WASF3: variants seen among roughly 807,000 people sequenced by gnomAD.
The protein encoded by WASF3 is WASP family member 3, also known as actin-binding protein WASF3.
Under a neutral mutation model 46.6 loss-of-function variants are expected in WASF3, and 11 were observed. The ratio of observed to expected loss-of-function variants is 0.24; its 90% confidence interval spans 0.15 to 0.39. WASF3 has a LOEUF of 0.39. Among genes scored for constraint, WASF3 ranks in the 10% least tolerant of loss-of-function variants. The probability of loss-of-function intolerance (pLI) is 1.00; values close to 1 mark genes in which losing one functional copy is unlikely to be tolerated. For missense variants in WASF3, 576 were observed against 669.8 expected (o/e 0.86, Z 1.55); for synonymous variants, 242 against 259.7 (o/e 0.93, Z 0.65).
chr13:26,660,194 G>T (rs201993442), intron 3 of WASF3, among the ~76,000 whole-genome samples: 2 of 43,362 alleles, frequency 4.6e-5, no homozygotes, highest in African/African-American at 7.4e-5. Context: ...TTTTTGTTTG[G>T]TTTTTTTTTT....
intron 5 of WASF3, among the ~76,000 whole-genome samples, chr13:26,668,992 C>G (rs980101404): frequency 2.6e-5 from 4 of 152,126 alleles, no homozygotes; most frequent in Non-Finnish European, 5.9e-5. Flanking sequence ...TGAAAACTTT[C>G]TACCTGCCGT....
chr13:26,561,947 G>T (rs1879308184), intron 1 of WASF3, among the ~76,000 whole-genome samples: 1 of 152,184 alleles, frequency 6.6e-6, no homozygotes, highest in Non-Finnish European at 1.5e-5. Flanking sequence ...GGTTATCTAA[G>T]AATGAAATAA....
At chr13:26,579,807 G>A (rs1422066714) in intron 1 of WASF3, among the ~76,000 whole-genome samples, 1 of 152,058 alleles carries the variant, frequency 6.6e-6, no homozygotes, top group East Asian at 1.9e-4. Context: ...GAACTGGCAA[G>A]GGAAATGAAT....
chr13:26,650,698 T>C (rs1474409868), intron 3 of WASF3, among the ~76,000 whole-genome samples: 1 of 152,184 alleles, frequency 6.6e-6, no homozygotes, highest in African/African-American at 2.4e-5. Flanking sequence ...GAAATCATTT[T>C]TTTAAATGCC....
intron 4 of WASF3, among the ~76,000 whole-genome samples, chr13:26,666,866 CA>C (rs1168774717): frequency 0.12 from 7,624 of 62,502 alleles, 98 homozygotes; most frequent in Admixed American, 0.19. Context: ...AAGACTGTCT[CA>C]AAAAAAAAAA....
At chr13:26,637,956 C>T (rs1881879419) in intron 2 of WASF3, among the ~76,000 whole-genome samples, 1 of 152,180 alleles carries the variant, frequency 6.6e-6, no homozygotes, top group African/African-American at 2.4e-5. Context: ...TTAAGGATAT[C>T]ACCTATGTGA....
intron 1 of WASF3, among the ~76,000 whole-genome samples, chr13:26,584,624 AT>A (rs1432757731): frequency 6.6e-6 from 1 of 152,178 alleles, no homozygotes; most frequent in Admixed American, 6.5e-5. Context: ...GTAAAAGATG[AT>A]TTGTCTTGAG....
chr13:26,657,596 G>T (rs1882504414), intron 3 of WASF3, among the ~76,000 whole-genome samples: 1 of 152,124 alleles, frequency 6.6e-6, no homozygotes, highest in African/African-American at 2.4e-5. Flanking sequence ...GTTAACAGAG[G>T]CATTTATCTC....
In WASF3 at chr13:26,583,758, C is replaced by T. The variant is rs977559248; in HGVS notation, c.-109+25939C>T. On this transcript the variant is annotated intron_variant, in intron 1 of 9. Transcript: ENST00000335327. ...CGACCATCTTTTGAAGCCACTCTAG[C>T]TTTGTTGGAGTTTGCTTTGTGATCA... 3.3e-5 allele frequency among the ~76,000 whole-genome samples: 5 copies of T among 152,316 alleles called. No homozygotes were observed. In the Middle Eastern group the frequency reaches 0.01, roughly 311 times the overall value.
At chr13:26,617,312 G>A (rs1004386757) in intron 2 of WASF3, among the ~76,000 whole-genome samples, 6 of 151,752 alleles carry the variant, frequency 4.0e-5, no homozygotes, top group African/African-American at 1.5e-4. Flanking sequence ...CCCTCCATCT[G>A]TTTTTGTTGC....
intron 7 of WASF3, among the ~76,000 whole-genome samples, chr13:26,680,822 C>T (rs1257993101): frequency 2.0e-5 from 3 of 152,170 alleles, no homozygotes; most frequent in African/African-American, 7.2e-5. Context: ...GACTTATTCA[C>T]TTCAAAGCTG....
chr13:26,546,651 G>A, the WASF3 span, among the ~76,000 whole-genome samples: 2 of 152,226 alleles, frequency 1.3e-5, no homozygotes, highest in South Asian at 4.1e-4. Flanking sequence ...GGCGGAGGTT[G>A]TGGTGAGCCG....
chr13:26,624,372 A>G (rs1333086328), intron 2 of WASF3, among the ~76,000 whole-genome samples: 2 of 152,232 alleles, frequency 1.3e-5, no homozygotes, highest in Non-Finnish European at 2.9e-5. Flanking sequence ...GAATATAAAA[A>G]GGAACAGTGA....
At chr13:26,607,250 A>G (rs1473846932) in intron 1 of WASF3, among the ~76,000 whole-genome samples, 1 of 152,166 alleles carries the variant, frequency 6.6e-6, no homozygotes. Context: ...TGTGTGATTC[A>G]TAGTTATATT....
intron 1 of WASF3, among the ~76,000 whole-genome samples, chr13:26,563,080 C>G (rs1210660101): frequency 6.6e-6 from 1 of 151,480 alleles, no homozygotes; most frequent in African/African-American, 2.4e-5. Flanking sequence ...GCCATTGTGT[C>G]TCCAGGTCGT....
chr13:26,627,458 A>T (rs1405824111), intron 2 of WASF3, among the ~76,000 whole-genome samples: 1 of 152,078 alleles, frequency 6.6e-6, no homozygotes, highest in African/African-American at 2.4e-5. Context: ...TAATATCCTC[A>T]ATATCTATCT....
chr13:26,621,268 T>C (rs1246922921), intron 2 of WASF3, among the ~76,000 whole-genome samples: 1 of 152,184 alleles, frequency 6.6e-6, no homozygotes, highest in Non-Finnish European at 1.5e-5. Context: ...GTTTGTTTTA[T>C]TTTCGTTTGT....
In WASF3 at chr13:26,560,389, C is replaced by T. The variant is rs76321037; in HGVS notation, c.-109+2570C>T. 5.0e-3 allele frequency among the ~76,000 whole-genome samples: 764 copies of T among 152,252 alleles called. 10 individuals carry two copies. Among genetic ancestry groups the T allele is most frequent in the African/African-American group, 0.017 (725 of 41,544 alleles). On this transcript the variant is annotated intron_variant, in intron 1 of 9. Coordinates refer to ENST00000335327, the MANE Select transcript of WASF3 (RefSeq NM_006646.6). Reference sequence around the variant, plus strand: ...GTAAAAAGTCTTAAGTTTTCTTTTTCCCGTCTTATTGTTGTCCTATTCCTA... The same window carrying T: ...GTAAAAAGTCTTAAGTTTTCTTTTTTCCGTCTTATTGTTGTCCTATTCCTA...
In WASF3 at chr13:26,679,839, T is replaced by TA. The variant is rs1308483325; in HGVS notation, c.717-1214dup. ...TGCAATTAGGGAAGAAAATAATGAG[T>TA]AGTTATTAGTTGTTACACTTCAATT... is the stretch of plus-strand genomic sequence containing the variant. On this transcript the variant is annotated intron_variant, in intron 7 of 9. Coordinates refer to ENST00000335327, the MANE Select transcript of WASF3 (RefSeq NM_006646.6). This position sits in a 1 kb window ranked among gnomAD's most constrained non-coding sequence, Gnocchi z 4.8. Among the ~76,000 whole-genome samples the TA allele has an allele frequency of 1.2e-4, 18 of 151,852 alleles. No homozygotes were observed. The highest frequency in any genetic ancestry group is 1.0e-3 in the Admixed American group (16 of 15,258).
Sources: gnomAD v4.1 joint callset for allele counts (sites outside exome capture counted in the v4.1 genomes callset) on GRCh38, gnomAD v4.1.1 for gene constraint, Gnocchi (gnomAD v3.1) non-coding constraint, MANE v1.5 for transcripts, NCBI Gene and HGNC (gene_info 2026-07-23, HGNC 2026-07-21) for gene names.